The following NELL1 variants were observed in gnomAD, a reference collection of about 807,000 sequenced individuals.
The protein encoded by NELL1 is protein kinase C-binding protein NELL1.
Under a neutral mutation model 107.4 loss-of-function variants are expected in NELL1, and 76 were observed. That is an observed-to-expected ratio of 0.71 (90% CI 0.59 to 0.86). NELL1 has a LOEUF of 0.86. Among genes scored for constraint, NELL1 ranks in the 40% least tolerant of loss-of-function variants. The probability of loss-of-function intolerance (pLI) is 0.00; values close to 1 mark genes in which losing one functional copy is unlikely to be tolerated. For missense variants in NELL1, 1,024 were observed against 1,005.5 expected (o/e 1.02, Z -0.25); for synonymous variants, 353 against 341.2 (o/e 1.03, Z -0.38).
chr11:21,257,141 G>A (rs1189392240), intron 14 of NELL1, among the ~76,000 whole-genome samples: 5 of 152,012 alleles, frequency 3.3e-5, no homozygotes, highest in Non-Finnish European at 7.4e-5. Flanking sequence ...CCAAGGAGAT[G>A]TAGGGGAGGG....
rs534466969 is a variant in NELL1 at position 21,484,595 on chromosome 11, T to C, written c.1646-49779T>C. On this transcript the variant is annotated intron_variant, in intron 15 of 19. Coordinates refer to ENST00000357134, the MANE Select transcript of NELL1 (RefSeq NM_006157.5). ...ACATATATGGATATGTATATTTGTG[T>C]ATAGTAGATGATATGCATACATATC... Among the ~76,000 whole-genome samples the C allele has an allele frequency of 3.3e-5, 5 of 152,096 alleles. 1 individual carries two copies. In the Middle Eastern group the frequency reaches 0.017, roughly 517 times the overall value.
chr11:21,344,523 T>C (rs1225162208), intron 14 of NELL1, among the ~76,000 whole-genome samples: 6 of 152,278 alleles, frequency 3.9e-5, no homozygotes, highest in South Asian at 4.1e-4. Context: ...CTTTTTTTTT[T>C]CTCTGTTTAA....
intron 14 of NELL1, among the ~76,000 whole-genome samples, chr11:21,328,416 G>C (rs371425409): frequency 2.1e-4 from 32 of 152,130 alleles, no homozygotes; most frequent in African/African-American, 7.5e-4. Context: ...GATTTCAGAG[G>C]ATGTATGGAA....
At chr11:21,222,089 C>T (rs2133873831) in intron 13 of NELL1, among the ~76,000 whole-genome samples, 1 of 151,988 alleles carries the variant, frequency 6.6e-6, no homozygotes, top group Non-Finnish European at 1.5e-5. Context: ...TCTTATTTTT[C>T]CTTAGTCTAG....
At chr11:21,415,779 TC>T (rs1852505263) in intron 15 of NELL1, among the ~76,000 whole-genome samples, 1 of 152,054 alleles carries the variant, frequency 6.6e-6, no homozygotes, top group Admixed American at 6.6e-5. Flanking sequence ...TTTTCCATTC[TC>T]TGGCACTGGT....
chr11:21,037,828 A>G (rs899075887), intron 12 of NELL1, among the ~76,000 whole-genome samples: 4 of 152,000 alleles, frequency 2.6e-5, no homozygotes, highest in Non-Finnish European at 5.9e-5. Flanking sequence ...ATCCAACATT[A>G]CTGTTTTGTA....
At chr11:20,805,490 A>G (rs765777135) in intron 3 of NELL1, among the ~76,000 whole-genome samples, 1 of 152,082 alleles carries the variant, frequency 6.6e-6, no homozygotes, top group African/African-American at 2.4e-5. Context: ...TAGATTTGCA[A>G]ATAATGTCTT....
intron 4 of NELL1, among the ~76,000 whole-genome samples, chr11:20,873,769 T>C (rs796262398): frequency 1.4e-5 from 2 of 140,676 alleles, no homozygotes; most frequent in African/African-American, 5.7e-5. Flanking sequence ...ATATTTGACT[T>C]TTTTTTTTTT....
chr11:20,812,747 G>A (rs11025769), intron 3 of NELL1, among the ~76,000 whole-genome samples: 18 of 151,954 alleles, frequency 1.2e-4, no homozygotes, highest in African/African-American at 4.1e-4. Context: ...GGTGGCTCAC[G>A]CCTGTAATCC....
At chr11:20,928,880 T>C (rs1340721401) in intron 9 of NELL1, among the ~76,000 whole-genome samples, 2 of 152,202 alleles carry the variant, frequency 1.3e-5, no homozygotes, top group Non-Finnish European at 2.9e-5. Context: ...TTTGGCTTTC[T>C]GAGGTTTTGG....
At chr11:21,492,333 G>T (rs892126185) in intron 15 of NELL1, among the ~76,000 whole-genome samples, 26 of 152,124 alleles carry the variant, frequency 1.7e-4, no homozygotes, top group Admixed American at 5.9e-4. Flanking sequence ...GGAAGTCAGT[G>T]TGGTGATTCC....
chr11:21,374,454 C>T (rs559942281), intron 15 of NELL1, among the ~76,000 whole-genome samples: 29 of 151,728 alleles, frequency 1.9e-4, no homozygotes, highest in Non-Finnish European at 3.1e-4. Context: ...GAATCCTGCA[C>T]GTCAAGTGAT....
chr11:20,827,740 C>T (rs1309586252), intron 3 of NELL1, among the ~76,000 whole-genome samples: 3 of 151,200 alleles, frequency 2.0e-5, no homozygotes, highest in Non-Finnish European at 4.4e-5. Context: ...GGAAATGAGT[C>T]CTAGCTCTGT....
intron 13 of NELL1, among the ~76,000 whole-genome samples, chr11:21,185,293 C>CTTTTTTTTTTTTTT (rs11446941): frequency 8.4e-6 from 1 of 118,498 alleles, no homozygotes; most frequent in Non-Finnish European, 1.6e-5. Context: ...ATTCCAGTAT[C>CTTTTTTTTTTTTTT]TTTTTTTTTT....
intron 12 of NELL1, among the ~76,000 whole-genome samples, chr11:21,083,648 A>T (rs1854319726): frequency 1.3e-5 from 2 of 152,276 alleles, no homozygotes; most frequent in South Asian, 4.1e-4. Context: ...TTTAAAAAAT[A>T]AACTAGATCT....
In NELL1 at chr11:20,960,225, T is replaced by C. The variant is rs181652857; in HGVS notation, c.1172-207T>C. On this transcript the variant is annotated intron_variant, in intron 11 of 19. Transcript: ENST00000357134. ...TAGGAACAGCCTCAGCAAATTTGAG[T>C]ATGGGTGGGGGAAAGCCTCTTACGC... 2.7e-4 allele frequency among the ~76,000 whole-genome samples: 41 copies of C among 152,042 alleles called. No individual in the cohort carries two copies. The East Asian group carries it at 7.5e-3, about 28-fold the overall frequency.
intron 13 of NELL1, among the ~76,000 whole-genome samples, chr11:21,119,698 C>T (rs975349693): frequency 1.3e-5 from 2 of 152,046 alleles, no homozygotes; most frequent in Non-Finnish European, 2.9e-5. Flanking sequence ...GTTGCTCTTG[C>T]TCTTTTATGA....
At chr11:21,210,697 A>T (rs937471222) in intron 13 of NELL1, among the ~76,000 whole-genome samples, 1 of 152,178 alleles carries the variant, frequency 6.6e-6, no homozygotes, top group African/African-American at 2.4e-5. Flanking sequence ...TTTGCAAAAG[A>T]AATGCCTTGC....
chr11:21,543,308 A>T (rs887514144), intron 16 of NELL1, among the ~76,000 whole-genome samples: 5 of 152,068 alleles, frequency 3.3e-5, no homozygotes, highest in African/African-American at 1.2e-4. Flanking sequence ...GCCTTGCTTA[A>T]GGCAGATGCC....
Sources: gnomAD v4.1 joint callset for allele counts (sites outside exome capture counted in the v4.1 genomes callset) on GRCh38, gnomAD v4.1.1 for gene constraint, MANE v1.5 for transcripts, NCBI Gene and HGNC (gene_info 2026-07-23, HGNC 2026-07-21) for gene names.